The following FBXO25 variants were observed in gnomAD, a reference collection of about 807,000 sequenced individuals.
FBXO25 encodes the protein F-box protein 25.
Under a neutral mutation model 51.9 loss-of-function variants are expected in FBXO25, and 45 were observed. The ratio of observed to expected loss-of-function variants is 0.87; its 90% CI spans 0.68 to 1.11. FBXO25 has a LOEUF of 1.11. Ranked by LOEUF, FBXO25 falls within the 50% of genes most tolerant of loss-of-function variation. The pLI is 0.00. For synonymous variants in FBXO25, 199 were observed against 151.0 expected (o/e 1.32, Z -2.33); for missense variants, 507 against 428.5 (o/e 1.18, Z -1.62).
In FBXO25 at chr8:431,381, G is replaced by T; in HGVS notation, c.175G>T (p.Glu59Ter). The T allele has an allele frequency of 1.9e-6, 3 of 1,549,154 alleles. No individual in the cohort carries two copies. The highest frequency in any genetic ancestry group is 1.2e-5 in the South Asian group (1 of 82,778). ...AGATGGAGAAATATTCAATAATGAA[G>T]AGCATGAATATGCATCGAAAAAAAG... is the stretch of plus-strand genomic sequence containing the variant. ...SEDGEIFNNEEHEYASKKRKK... is the reference protein window; with the variant it reads ...SEDGEIFNNE The change falls in exon 3 of 10, where the codon GAG (glutamate) becomes TAG (stop). Residue 59 changes from glutamate (E) to a stop codon, truncating the protein, a stop_gained. Coordinates refer to ENST00000350302, the MANE Select transcript of FBXO25 (RefSeq NM_183420.2). LOFTEE classifies it high-confidence loss of function.
At chr8:428,001 A>G (rs1797596165) in intron 2 of FBXO25, among the ~76,000 whole-genome samples, 2 of 152,184 alleles carry the variant, frequency 1.3e-5, no homozygotes, top group Non-Finnish European at 2.9e-5. Flanking sequence ...AAATACCATC[A>G]GAGGAAAATG....
intron 2 of FBXO25, among the ~76,000 whole-genome samples, chr8:421,957 G>A (rs1329492739): frequency 1.3e-5 from 2 of 152,210 alleles, no homozygotes; most frequent in Non-Finnish European, 2.9e-5. Context: ...AGGCTGATAT[G>A]AATACATAAA....
intron 8 of FBXO25, among the ~76,000 whole-genome samples, chr8:461,739 A>C (rs1426698884): frequency 6.6e-6 from 1 of 152,126 alleles, no homozygotes; most frequent in African/African-American, 2.4e-5. Flanking sequence ...TGGATGTGTA[A>C]TGTAAGAGGA....
intron 1 of FBXO25, among the ~76,000 whole-genome samples, chr8:408,523 A>G (rs1240432856): frequency 1.3e-5 from 2 of 152,252 alleles, no homozygotes; most frequent in East Asian, 3.8e-4. Context: ...GTAAAACAAG[A>G]ATAATGTTTT....
intron 1 of FBXO25, among the ~76,000 whole-genome samples, chr8:411,459 A>G (rs941121747): frequency 6.6e-6 from 1 of 151,870 alleles, no homozygotes; most frequent in African/African-American, 2.4e-5. Flanking sequence ...CCCTCTCGAC[A>G]TATTCTGTGA....
At chr8:421,046 G>A (rs944571166) in intron 2 of FBXO25, among the ~76,000 whole-genome samples, 1 of 152,248 alleles carries the variant, frequency 6.6e-6, no homozygotes, top group Non-Finnish European at 1.5e-5. Flanking sequence ...CCAGTCCGTA[G>A]CCTGTTAGGA....
Position 471,976 on chromosome 8 carries a change from T to C in FBXO25, c.*3172T>C, listed in dbSNP as rs1278943659. ...AGATTTATCAGCTCTTTTAACACCTTTGTAGATTCCTGATGCTGTGTACAA... is the reference window on the plus strand; with the variant it reads ...AGATTTATCAGCTCTTTTAACACCTCTGTAGATTCCTGATGCTGTGTACAA... On this transcript the variant is annotated 3_prime_UTR_variant, in exon 10 of 10. Coordinates refer to ENST00000350302, the MANE Select transcript of FBXO25 (RefSeq NM_183420.2). 2 of 152,216 alleles carry C rather than the reference T, an allele frequency of 1.3e-5. No individual in the cohort carries two copies. The highest frequency in any genetic ancestry group is 2.9e-5 in the Non-Finnish European group (2 of 68,042). 9.4% of individuals were successfully genotyped at this position (152,216 alleles called of 1,614,324 possible).
rs1446096026 is a variant in FBXO25 at position 472,479 on chromosome 8, T to C, written c.*3675T>C. ...GTGCTGGAACAGCCAGCCCTCTGTA[T>C]CCACGGGGGATTGGTTCCAAGACCC... is the stretch of plus-strand genomic sequence containing the variant. On this transcript the variant is annotated 3_prime_UTR_variant, in exon 10 of 10. Transcript: ENST00000350302. 2 of 152,260 alleles carry C rather than the reference T, an allele frequency of 1.3e-5. No homozygotes were observed. The highest frequency in any genetic ancestry group is 4.8e-5 in the African/African-American group (2 of 41,442). 9.4% of individuals were successfully genotyped at this position (152,260 alleles called of 1,614,324 possible). A position where few individuals can be genotyped will look rare whatever the true frequency, so the allele number is the denominator to read the frequency against.
rs577444642 is a variant in FBXO25, at chr8:457,655, A to C, written c.661-714A>C. On this transcript the variant is annotated intron_variant, in intron 7 of 9. Transcript: ENST00000350302. ...TAATAATTATACATCCTTTACTTCA[A>C]ATTTGCTAAGAGTAGATCTTACATG... 8.5e-5 allele frequency among the ~76,000 whole-genome samples: 13 copies of C among 152,338 alleles called. 1 individual carries two copies. The East Asian group carries it at 2.1e-3, about 25-fold the overall frequency.
intron 5 of FBXO25, among the ~76,000 whole-genome samples, chr8:439,298 G>A (rs1798283273): frequency 6.6e-6 from 1 of 152,192 alleles, no homozygotes; most frequent in Admixed American, 6.5e-5. Context: ...ACAGCCCGAG[G>A]CTTGGGAGGT....
At chr8:461,055 G>T (rs1435833271) in intron 8 of FBXO25, among the ~76,000 whole-genome samples, 1 of 152,158 alleles carries the variant, frequency 6.6e-6, no homozygotes, top group Non-Finnish European at 1.5e-5. Context: ...AGGCAGCCCT[G>T]TTACTCCTTT....
chr8:410,156 C>G (rs1466007536), intron 1 of FBXO25, among the ~76,000 whole-genome samples: 1 of 152,168 alleles, frequency 6.6e-6, no homozygotes, highest in Non-Finnish European at 1.5e-5. Flanking sequence ...ACTTTATTCT[C>G]TCTTTACCAC....
In FBXO25 at chr8:468,824, T is replaced by C. The variant is rs1800363838; in HGVS notation, c.*20T>C. On this transcript the variant is annotated 3_prime_UTR_variant, in exon 10 of 10. Transcript: ENST00000350302. ...TTTTAAGGGCTGCCCCTGCCATCCCTATTGGAGATTGTGAATCCTGCTGTC... is the reference window on the plus strand; with the variant it reads ...TTTTAAGGGCTGCCCCTGCCATCCCCATTGGAGATTGTGAATCCTGCTGTC... 4.3e-6 allele frequency: 7 copies of C among 1,610,898 alleles called. No homozygotes were observed. Among genetic ancestry groups the C allele is most frequent in the Non-Finnish European group, 5.9e-6 (7 of 1,177,910 alleles).
At chr8:423,417 A>G (rs574527820) in intron 2 of FBXO25, among the ~76,000 whole-genome samples, 1 of 152,230 alleles carries the variant, frequency 6.6e-6, no homozygotes, top group East Asian at 1.9e-4. Flanking sequence ...ATAGTACCCA[A>G]TAGGTAGTTT....
chr8:414,947 C>A (rs1476785495), intron 2 of FBXO25, among the ~76,000 whole-genome samples: 1 of 152,184 alleles, frequency 6.6e-6, no homozygotes, highest in African/African-American at 2.4e-5. Flanking sequence ...AAATCCAAAC[C>A]TGTGGGTAGA....
rs17745485 is a variant in FBXO25, at chr8:467,836, G to A, written c.988-879G>A. On this transcript the variant is annotated intron_variant, in intron 9 of 9. Transcript: ENST00000350302. ...ATGCACGTCATCTTGGCCACTGCCC[G>A]GCTCGATTCCAGCTCTCGCTGACTT... 79 of 1,599,164 alleles carry A rather than the reference G, an allele frequency of 4.9e-5. No individual in the cohort carries two copies. The East Asian group carries it at 1.2e-3, about 24-fold the overall frequency.
At chr8:440,065 A>G (rs1288714512) in intron 5 of FBXO25, among the ~76,000 whole-genome samples, 2 of 152,210 alleles carry the variant, frequency 1.3e-5, no homozygotes, top group Non-Finnish European at 2.9e-5. Context: ...ATGCTTAGTG[A>G]GTGACCCTGA....
At chr8:442,155 A>G (rs974851295) in intron 5 of FBXO25, among the ~76,000 whole-genome samples, 4 of 152,166 alleles carry the variant, frequency 2.6e-5, no homozygotes, top group Non-Finnish European at 2.9e-5. Flanking sequence ...TTGTATAATA[A>G]TTTATTCAGT....
chr8:449,998 G>A lies in FBXO25; in HGVS notation c.390G>A (p.Gln130=). The A allele has an allele frequency of 3.1e-6, 5 of 1,609,852 alleles. No homozygotes were observed. Among genetic ancestry groups the A allele is most frequent in the Non-Finnish European group, 4.2e-6 (5 of 1,178,072 alleles). ...RRFNYVVKLL[Q]LIAKSQLTSL... Reference sequence around the variant, plus strand: ...TCCGTCTTTCCTTTAAGCTGTTGCAGCTAATTGCAAAATCCCAGTTAACTT... The same window carrying A: ...TCCGTCTTTCCTTTAAGCTGTTGCAACTAATTGCAAAATCCCAGTTAACTT... Residue 130 remains glutamine (Q), a synonymous_variant, in exon 6 of 10, where the codon CAG becomes CAA. Coordinates refer to ENST00000350302, the MANE Select transcript of FBXO25 (RefSeq NM_183420.2).
Sources: allele counts gnomAD v4.1 joint callset (sites outside exome capture counted in the v4.1 genomes callset), GRCh38; gene constraint gnomAD v4.1.1; transcripts MANE v1.5; gene names NCBI Gene and HGNC (gene_info 2026-07-23, HGNC 2026-07-21).